The following TYW1 variants were observed in gnomAD, a reference collection of about 807,000 sequenced individuals.
The protein encoded by TYW1 is S-adenosyl-L-methionine-dependent tRNA 4-demethylwyosine synthase TYW1.
In TYW1, 46 loss-of-function variants were observed where a neutral mutation model predicts 96.2. The ratio of observed to expected loss-of-function variants is 0.48; its 90% CI spans 0.38 to 0.61. TYW1 has a LOEUF of 0.61. Ranked by LOEUF, TYW1 falls within the 20% of genes least tolerant of loss-of-function variation. The pLI, the probability that TYW1 is intolerant of heterozygous loss-of-function variation, is 0.00. For missense variants in TYW1, 684 were observed against 909.6 expected, an observed-to-expected ratio of 0.75 and a Z score of 3.19; for synonymous variants, 274 against 323.0, an observed-to-expected ratio of 0.85 and a Z score of 1.63.
intron 13 of TYW1, among the ~76,000 whole-genome samples, chr7:67,177,787 G>A (rs1799720119): frequency 6.6e-6 from 1 of 152,032 alleles, no homozygotes; most frequent in African/African-American, 2.4e-5. Flanking sequence ...AAGGTCGAAT[G>A]TATACATATC....
intron 14 of TYW1, among the ~76,000 whole-genome samples, 172 bp from the exon 15 acceptor site, chr7:67,194,998 T>G (rs974926552): frequency 1.0e-4 from 15 of 147,648 alleles, no homozygotes; most frequent in African/African-American, 3.8e-4. Flanking sequence ...CAGTAGCTAC[T>G]TGTATGGTCT....
At chr7:67,028,001 G>A (rs1156728063) in intron 7 of TYW1, among the ~76,000 whole-genome samples, 2 of 150,424 alleles carry the variant, frequency 1.3e-5, no homozygotes, top group South Asian at 2.1e-4. Context: ...TTGGGAGGCC[G>A]AGGTGGGTGG....
At chr7:67,168,834 C>G (rs898560313) in intron 13 of TYW1, among the ~76,000 whole-genome samples, 1 of 152,084 alleles carries the variant, frequency 6.6e-6, no homozygotes, top group Non-Finnish European at 1.5e-5. Context: ...GCCTCAGCCT[C>G]CCGAGTAGCT....
chr7:67,174,683 G>A (rs1322221751), intron 13 of TYW1, among the ~76,000 whole-genome samples: 1 of 150,508 alleles, frequency 6.6e-6, no homozygotes, highest in East Asian at 1.9e-4. Flanking sequence ...AGAAATTAAG[G>A]AAATAAAAAA....
At chr7:67,196,353 T>A (rs1330437499) in intron 15 of TYW1, among the ~76,000 whole-genome samples, 1 of 152,230 alleles carries the variant, frequency 6.6e-6, no homozygotes, top group Non-Finnish European at 1.5e-5. Context: ...TTATGGTTTG[T>A]ATCTGATAAT....
chr7:67,172,803 T>C (rs1423981180), intron 13 of TYW1, among the ~76,000 whole-genome samples: 1 of 152,116 alleles, frequency 6.6e-6, no homozygotes, highest in Non-Finnish European at 1.5e-5. Context: ...CCTATGTCTC[T>C]TCTTCCAGCT....
chr7:67,152,598 G>GT (rs932348433), intron 13 of TYW1, among the ~76,000 whole-genome samples: 1 of 151,780 alleles, frequency 6.6e-6, no homozygotes, highest in African/African-American at 2.4e-5. Context: ...ACAGTTTTTT[G>GT]TTTTTTTCTT....
chr7:67,080,940 G>GTTTTTTTTTTTTTTTTTTTTTTT (rs71049495), intron 10 of TYW1, among the ~76,000 whole-genome samples: 7 of 37,250 alleles, frequency 1.9e-4, no homozygotes, highest in Non-Finnish European at 2.9e-4. Flanking sequence ...CTTTCTTACT[G>GTTTTTTTTTTTTTTTTTTTTTTT]TTTTTTTTTT....
At chr7:67,048,764 T>C (rs1795269016) in intron 7 of TYW1, among the ~76,000 whole-genome samples, 1 of 152,248 alleles carries the variant, frequency 6.6e-6, no homozygotes, top group African/African-American at 2.4e-5. Flanking sequence ...TTTCTTTTTC[T>C]ATCACTGAAG....
intron 13 of TYW1, among the ~76,000 whole-genome samples, chr7:67,151,101 A>G (rs1450693224): frequency 1.4e-5 from 2 of 143,986 alleles, no homozygotes; most frequent in Admixed American, 1.4e-4. Context: ...TCCAGACTGG[A>G]GTGTAGTGGC....
At chr7:67,182,069 T>C (rs946270043) in intron 13 of TYW1, among the ~76,000 whole-genome samples, 1 of 152,042 alleles carries the variant, frequency 6.6e-6, no homozygotes, top group Non-Finnish European at 1.5e-5. Context: ...CCTCAGGTGA[T>C]CCCCGCACCT....
intron 11 of TYW1, among the ~76,000 whole-genome samples, chr7:67,098,195 A>T (rs1796979857): frequency 6.6e-6 from 1 of 152,234 alleles, no homozygotes; most frequent in African/African-American, 2.4e-5. Context: ...GCTTGTTCTT[A>T]TGCAGATATA....
At chr7:67,166,093 A>G (rs1284759169) in intron 13 of TYW1, among the ~76,000 whole-genome samples, 2 of 151,700 alleles carry the variant, frequency 1.3e-5, no homozygotes, top group Non-Finnish European at 2.9e-5. Flanking sequence ...TTAAAAATAA[A>G]AAAATAAGCT....
intron 13 of TYW1, among the ~76,000 whole-genome samples, chr7:67,180,650 T>TTTATTTATTTA (rs1199139480): frequency 2.2e-4 from 34 of 151,734 alleles, no homozygotes; most frequent in African/African-American, 7.7e-4. Flanking sequence ...TATTTATTTA[T>TTTATTTATTTA]TTATTTATTT....
intron 2 of TYW1, 121 bp downstream of exon 2, chr7:66,998,316 G>A (rs1793264752): frequency 3.1e-6 from 4 of 1,296,118 alleles, no homozygotes; most frequent in South Asian, 1.7e-5. Context: ...TTAATGAAAT[G>A]CCTAAAATAA....
chr7:67,127,614 G>A (rs1797947779), intron 13 of TYW1, among the ~76,000 whole-genome samples: 1 of 152,082 alleles, frequency 6.6e-6, no homozygotes. Context: ...TTAAGAATAA[G>A]AAAAATAAAC....
At chr7:67,076,208 A>G (rs529410605) in intron 10 of TYW1, among the ~76,000 whole-genome samples, 1 of 152,284 alleles carries the variant, frequency 6.6e-6, no homozygotes, top group South Asian at 2.1e-4. Context: ...ATTCCAGCCA[A>G]TGGAAACTGG....
chr7:67,101,489 C>T (rs1400002926), intron 12 of TYW1, among the ~76,000 whole-genome samples: 2 of 152,250 alleles, frequency 1.3e-5, no homozygotes, highest in Admixed American at 1.3e-4. Context: ...TGATCACATA[C>T]ATTCGCACAC....
chr7:67,027,528 T>C (rs910104713), intron 7 of TYW1, among the ~76,000 whole-genome samples: 1 of 152,184 alleles, frequency 6.6e-6, no homozygotes, highest in African/African-American at 2.4e-5. Context: ...GACTTTAAAG[T>C]GTTTTACATG....
Sources: allele counts gnomAD v4.1 joint callset (sites outside exome capture counted in the v4.1 genomes callset), GRCh38; gene constraint gnomAD v4.1.1; transcripts MANE v1.5; gene names NCBI Gene and HGNC (gene_info 2026-07-23, HGNC 2026-07-21).